The following CCSER1 variants were observed in gnomAD, a reference collection of about 807,000 sequenced individuals.
CCSER1 encodes serine-rich coiled-coil domain-containing protein 1.
In CCSER1, 41 loss-of-function variants were observed where a neutral mutation model predicts 82.0. That is an observed-to-expected ratio of 0.50 (90% CI 0.39 to 0.65). The LOEUF is 0.65. Ranked by LOEUF, CCSER1 falls within the 30% of genes least tolerant of loss-of-function variation. The pLI is 0.00. For missense variants in CCSER1, 1,119 were observed against 1,064.2 expected (o/e 1.05, Z -0.72); for synonymous variants, 414 against 383.9 (o/e 1.08, Z -0.92).
chr4:90,512,686 C>T (rs1352254372), intron 5 of CCSER1, among the ~76,000 whole-genome samples: 2 of 151,970 alleles, frequency 1.3e-5, no homozygotes, highest in African/African-American at 2.4e-5. Context: ...AAAATGATAC[C>T]TTTGTACTTG....
chr4:90,427,446 TAATA>T (rs1757681081), intron 4 of CCSER1, among the ~76,000 whole-genome samples: 1 of 151,170 alleles, frequency 6.6e-6, no homozygotes, highest in African/African-American at 2.4e-5. Flanking sequence ...TTTAAAAAAT[TAATA>T]AATATTATAA....
At chr4:91,170,450 T>A (rs1042704775) in intron 10 of CCSER1, among the ~76,000 whole-genome samples, 4 of 152,098 alleles carry the variant, frequency 2.6e-5, no homozygotes, top group Non-Finnish European at 4.4e-5. Context: ...CACGTGACTG[T>A]GTTATTTGTT....
At chr4:91,460,553 TTGGTGATGA>T (rs1244250904) in intron 10 of CCSER1, among the ~76,000 whole-genome samples, 2 of 152,154 alleles carry the variant, frequency 1.3e-5, no homozygotes. Flanking sequence ...AGTCTGAGTC[TTGGTGATGA>T]TGGTGATGAT....
chr4:91,433,577 C>T (rs1208315033), intron 10 of CCSER1, among the ~76,000 whole-genome samples: 1 of 152,168 alleles, frequency 6.6e-6, no homozygotes, highest in African/African-American at 2.4e-5. Flanking sequence ...TGTTTGGATA[C>T]ATAAACATTT....
chr4:91,577,716 C>T (rs1015883497), intron 10 of CCSER1, among the ~76,000 whole-genome samples: 1 of 151,954 alleles, frequency 6.6e-6, no homozygotes, highest in East Asian at 1.9e-4. Context: ...AGTCCCTAAG[C>T]TCTTGAACTA....
chr4:90,825,463 T>G (rs993197063), intron 8 of CCSER1, among the ~76,000 whole-genome samples: 8 of 152,212 alleles, frequency 5.3e-5, no homozygotes, highest in African/African-American at 1.9e-4. Flanking sequence ...TGGGACATAA[T>G]GATAGCCAAA....
intron 9 of CCSER1, among the ~76,000 whole-genome samples, chr4:91,078,843 CAAAT>C (rs1722341210): frequency 6.6e-6 from 1 of 152,066 alleles, no homozygotes; most frequent in Non-Finnish European, 1.5e-5. Flanking sequence ...GATTGAAGAT[CAAAT>C]GAATGAAATG....
At chr4:90,966,731 T>C (rs530747496) in intron 9 of CCSER1, among the ~76,000 whole-genome samples, 2 of 152,246 alleles carry the variant, frequency 1.3e-5, no homozygotes, top group East Asian at 3.9e-4. Flanking sequence ...TTATCTGATA[T>C]CAAATACAAT....
Position 91,010,806 on chromosome 4 carries a change from TAATG to T in CCSER1, c.2173-75140_2173-75137del, listed in dbSNP as rs1738947020. Among the ~76,000 whole-genome samples, 2 of 134,748 alleles carry T rather than the reference TAATG, an allele frequency of 1.5e-5. 1 individual carries two copies. Among genetic ancestry groups the T allele is most frequent in the South Asian group, 4.8e-4 (2 of 4,156 alleles). 88.4% of individuals were successfully genotyped at this position (134,748 alleles called of 152,430 possible). A position where few individuals can be genotyped will look rare whatever the true frequency, so the allele number is the denominator to read the frequency against. ...CTCTTTGCTAAATTTATCATTCAGA[TAATG>T]AATTGTTTTCTGGATTTCATTAAAT... On this transcript the variant is annotated intron_variant, in intron 9 of 10. Coordinates refer to ENST00000509176, the MANE Select transcript of CCSER1 (RefSeq NM_001145065.2).
intron 9 of CCSER1, among the ~76,000 whole-genome samples, chr4:90,962,824 A>C (rs1371863096): frequency 6.6e-6 from 1 of 152,130 alleles, no homozygotes; most frequent in Non-Finnish European, 1.5e-5. Context: ...CATGTTTTTC[A>C]TACAGGGCTA....
At chr4:90,253,357 T>A (rs1404399035) in intron 1 of CCSER1, among the ~76,000 whole-genome samples, 1 of 152,096 alleles carries the variant, frequency 6.6e-6, no homozygotes, top group African/African-American at 2.4e-5. Flanking sequence ...CTTGAAGAAT[T>A]TTTTTAGTAT....
chr4:90,619,237 A>G (rs368863360), intron 5 of CCSER1, among the ~76,000 whole-genome samples: 1 of 151,970 alleles, frequency 6.6e-6, no homozygotes, highest in African/African-American at 2.4e-5. Context: ...TGTTAAACTC[A>G]TTACTCTTCT....
At chr4:90,704,522 C>T (rs143583052) in intron 6 of CCSER1, among the ~76,000 whole-genome samples, 3,503 of 152,214 alleles carry the variant, frequency 0.023, 60 homozygotes, top group Non-Finnish European at 0.034. Flanking sequence ...TGTTGGCCTG[C>T]CTTGCTAGGT....
chr4:90,191,960 T>C (rs1735706133), intron 1 of CCSER1, among the ~76,000 whole-genome samples: 1 of 152,042 alleles, frequency 6.6e-6, no homozygotes, highest in Non-Finnish European at 1.5e-5. Context: ...ACCCTGTACT[T>C]ATTAAAAACA....
At chr4:91,507,100 A>G (rs1374681591) in intron 10 of CCSER1, among the ~76,000 whole-genome samples, 1 of 152,184 alleles carries the variant, frequency 6.6e-6, no homozygotes, top group African/African-American at 2.4e-5. Context: ...ACATTTATGT[A>G]CACATTTTTG....
At chr4:90,452,019 C>G (rs888236880) in intron 4 of CCSER1, among the ~76,000 whole-genome samples, 1 of 152,072 alleles carries the variant, frequency 6.6e-6, no homozygotes, top group Non-Finnish European at 1.5e-5. Flanking sequence ...CTGCTTTCCC[C>G]TTGTTTAATT....
At chr4:91,087,988 G>A (rs1363611194) in intron 10 of CCSER1, among the ~76,000 whole-genome samples, 1 of 152,116 alleles carries the variant, frequency 6.6e-6, no homozygotes, top group Non-Finnish European at 1.5e-5. Context: ...TAAACAAAGA[G>A]TACAATTACT....
At chr4:90,356,120 G>C (rs1276594566) in intron 3 of CCSER1, among the ~76,000 whole-genome samples, 1 of 151,662 alleles carries the variant, frequency 6.6e-6, no homozygotes, top group African/African-American at 2.4e-5. Context: ...CAAATTTCCT[G>C]GTTTCTTTTA....
intron 1 of CCSER1, among the ~76,000 whole-genome samples, chr4:90,185,033 G>A (rs1560760918): frequency 2.0e-5 from 3 of 151,996 alleles, no homozygotes; most frequent in South Asian, 2.1e-4. Context: ...ATCACCATCC[G>A]TCTCTAGCCC....
Sources: gnomAD v4.1 joint callset for allele counts (sites outside exome capture counted in the v4.1 genomes callset) on GRCh38, gnomAD v4.1.1 for gene constraint, MANE v1.5 for transcripts, NCBI Gene and HGNC (gene_info 2026-07-23, HGNC 2026-07-21) for gene names.